The following KIAA1217 variants were observed in gnomAD, a reference collection of about 807,000 sequenced individuals.
KIAA1217 encodes the protein sickle tail protein homolog.
Under a neutral mutation model 163.9 loss-of-function variants are expected in KIAA1217, and 88 were observed. The observed-to-expected ratio is 0.54, with a 90% CI of 0.45 to 0.64. The LOEUF is 0.64. Ranked by LOEUF, KIAA1217 falls within the 30% of genes least tolerant of loss-of-function variation. KIAA1217 has a pLI of 0.00. For synonymous variants in KIAA1217, 903 were observed against 923.1 expected (o/e 0.98, Z 0.39); for missense variants, 2,372 against 2,475.0 (o/e 0.96, Z 0.88).
intron 1 of KIAA1217, among the ~76,000 whole-genome samples, chr10:23,961,242 T>G (rs1844806683): frequency 6.6e-6 from 1 of 152,256 alleles, no homozygotes; most frequent in Non-Finnish European, 1.5e-5. Flanking sequence ...TTACGTTGCT[T>G]TCTTGCAGTT....
Position 23,819,718 on chromosome 10 carries a change from G to T in KIAA1217, c.-321+124484G>T, listed in dbSNP as rs142255148. On this transcript the variant is annotated intron_variant, in intron 1 of 18. Coordinates refer to the KIAA1217 transcript ENST00000376462. ...CTGATGCCATTGTACATGGCAATTT[G>T]TCTTGGTGATTTGAAACTTTTTGTG... Among the ~76,000 whole-genome samples, 572 of 152,266 alleles carry T rather than the reference G, an allele frequency of 3.8e-3. 9 individuals carry two copies. Among genetic ancestry groups the T allele is most frequent in the African/African-American group, 0.013 (526 of 41,552 alleles).
At chr10:23,754,381 T>A (rs1373907245) in intron 1 of KIAA1217, among the ~76,000 whole-genome samples, 2 of 152,240 alleles carry the variant, frequency 1.3e-5, no homozygotes, top group African/African-American at 4.8e-5. Context: ...CCTGGCACCA[T>A]GTGACCCACA....
At chr10:24,048,359 G>C (rs577576263) in intron 2 of KIAA1217, among the ~76,000 whole-genome samples, 1 of 152,356 alleles carries the variant, frequency 6.6e-6, no homozygotes, top group South Asian at 2.1e-4. Context: ...ATTAAATATA[G>C]TATGAGCTAT....
chr10:23,715,011 G>C (rs1375173623), intron 1 of KIAA1217, among the ~76,000 whole-genome samples: 1 of 152,186 alleles, frequency 6.6e-6, no homozygotes, highest in African/African-American at 2.4e-5. Flanking sequence ...ATTTGCCAAA[G>C]GGCAGGATAT....
At chr10:23,889,613 A>G (rs184244440) in intron 1 of KIAA1217, among the ~76,000 whole-genome samples, 1 of 152,078 alleles carries the variant, frequency 6.6e-6, no homozygotes, top group East Asian at 1.9e-4. Flanking sequence ...AAATGATTCA[A>G]TTCAGAAAAG....
intron 1 of KIAA1217, among the ~76,000 whole-genome samples, chr10:23,729,987 C>T (rs1002730400): frequency 7.2e-5 from 11 of 151,984 alleles, no homozygotes; most frequent in South Asian, 4.2e-4. Context: ...CTGCAAGCTC[C>T]GCCTCCCAGG....
At chr10:24,294,062 G>T (rs1238199654) in intron 2 of KIAA1217, among the ~76,000 whole-genome samples, 1 of 151,902 alleles carries the variant, frequency 6.6e-6, no homozygotes, top group African/African-American at 2.4e-5. Context: ...CGTGGTGGCA[G>T]GCGCCTGTAG....
At chr10:24,295,202 A>G (rs914559094) in intron 2 of KIAA1217, among the ~76,000 whole-genome samples, 1 of 152,218 alleles carries the variant, frequency 6.6e-6, no homozygotes, top group Non-Finnish European at 1.5e-5. Flanking sequence ...TCTTAAAATA[A>G]TTATAGCATC....
intron 2 of KIAA1217, among the ~76,000 whole-genome samples, chr10:24,157,261 T>G (rs555603279): frequency 1.3e-5 from 2 of 152,330 alleles, no homozygotes; most frequent in South Asian, 4.1e-4. Context: ...TTGTTGAATA[T>G]TTTTTGTGTG....
Position 24,433,038 on chromosome 10 carries a change from G to C in KIAA1217, c.597G>C (p.Arg199Ser), listed in dbSNP as rs759854824. Residue 199 changes from arginine (R) to serine (S), a missense_variant, in exon 4 of 21, where the codon AGG becomes AGC. Coordinates refer to ENST00000376454, the MANE Select transcript of KIAA1217 (RefSeq NM_019590.5). ...ATGGAGATGAAACCAAGCAGCTCAG[G>C]ATGCCGAATGAAATCACAAGTGCAG... is the stretch of plus-strand genomic sequence containing the variant. ...LQYGDETKQL[R>S]MPNEITSADT... 39 of 1,614,090 alleles carry C rather than the reference G, an allele frequency of 2.4e-5. No homozygotes were observed. The Admixed American group carries it at 3.5e-4, about 14-fold the overall frequency.
At chr10:24,462,276 A>C (rs2062486185) in intron 5 of KIAA1217, among the ~76,000 whole-genome samples, 1 of 152,144 alleles carries the variant, frequency 6.6e-6, no homozygotes, top group Non-Finnish European at 1.5e-5. Context: ...GAGGCTCTAA[A>C]TCATTCGAGC....
rs368354485 is a variant in KIAA1217 at position 23,809,759 on chromosome 10, A to G, written c.-321+114525A>G. 1.4e-4 allele frequency among the ~76,000 whole-genome samples: 21 copies of G among 152,072 alleles called. No homozygotes were observed. In the East Asian group the frequency reaches 2.3e-3, roughly 17 times the overall value. The stretch of plus-strand genomic sequence containing the variant: ...ATAAATTTTAAAGAAAAAATCACTT[A>G]CAATAGTATCAAAAAAATTTAATAC... On this transcript the variant is annotated intron_variant, in intron 1 of 18. Transcript: ENST00000376462.
chr10:24,304,506 GT>G (rs1166879636), intron 2 of KIAA1217, among the ~76,000 whole-genome samples: 2 of 151,826 alleles, frequency 1.3e-5, no homozygotes, highest in African/African-American at 4.8e-5. Context: ...CATCCAACTA[GT>G]TTTTTTCATT....
chr10:24,220,208 C>G (rs183667900), intron 2 of KIAA1217, among the ~76,000 whole-genome samples: 1 of 152,232 alleles, frequency 6.6e-6, no homozygotes, highest in Admixed American at 6.5e-5. Flanking sequence ...ACAAACACAT[C>G]TAAACACATC....
intron 5 of KIAA1217, among the ~76,000 whole-genome samples, chr10:24,462,174 C>T (rs2132629986): frequency 6.6e-6 from 1 of 150,772 alleles, no homozygotes; most frequent in East Asian, 1.9e-4. Flanking sequence ...AGCATATATA[C>T]TGATATATCT....
At chr10:24,468,986 A>G (rs936000125) in intron 5 of KIAA1217, among the ~76,000 whole-genome samples, 1 of 152,202 alleles carries the variant, frequency 6.6e-6, no homozygotes, top group African/African-American at 2.4e-5. Flanking sequence ...TAAAATACCT[A>G]TGTAAATACC....
intron 2 of KIAA1217, among the ~76,000 whole-genome samples, chr10:24,237,495 T>C (rs2072453966): frequency 6.6e-6 from 1 of 152,214 alleles, no homozygotes; most frequent in Non-Finnish European, 1.5e-5. Flanking sequence ...CTGAATTCAA[T>C]AAGCAAAAGC....
At chr10:24,032,885 G>A (rs1848245805) in intron 2 of KIAA1217, among the ~76,000 whole-genome samples, 1 of 152,126 alleles carries the variant, frequency 6.6e-6, no homozygotes, top group Non-Finnish European at 1.5e-5. Flanking sequence ...TGCACTGAGA[G>A]CCAAGATAAT....
At chr10:24,059,845 G>A (rs987982608) in intron 2 of KIAA1217, among the ~76,000 whole-genome samples, 6 of 152,282 alleles carry the variant, frequency 3.9e-5, no homozygotes, top group Non-Finnish European at 7.4e-5. Flanking sequence ...GATTACAGGC[G>A]TGAGCCACTG....
Sources: allele counts gnomAD v4.1 joint callset (sites outside exome capture counted in the v4.1 genomes callset), GRCh38; gene constraint gnomAD v4.1.1; transcripts MANE v1.5; gene names NCBI Gene and HGNC (gene_info 2026-07-23, HGNC 2026-07-21).